The following DVL3 variants were observed in gnomAD, a reference collection of about 807,000 sequenced individuals.
The protein encoded by DVL3 is segment polarity protein dishevelled homolog DVL-3.
DVL3 carries 27 observed loss-of-function variants against 67.4 expected under a neutral mutation model. The ratio of observed to expected loss-of-function variants is 0.40; its 90% CI spans 0.30 to 0.55. The LOEUF (loss-of-function observed/expected upper bound fraction) is 0.55. Ranked by LOEUF, DVL3 falls within the 20% of genes least tolerant of loss-of-function variation. The probability of loss-of-function intolerance (pLI) is 0.46; values close to 1 mark genes in which losing one functional copy is unlikely to be tolerated. For missense variants in DVL3, 819 were observed against 1,021.5 expected (o/e 0.80, Z 2.70); for synonymous variants, 369 against 396.8 (o/e 0.93, Z 0.83).
At position 184,155,639 on chromosome 3, in the gene DVL3, G is replaced by A. The variant is rs762684023; in HGVS notation, c.4G>A (p.Gly2Ser). The change falls in exon 1 of 15, where the codon GGC becomes AGC. Residue 2 changes from glycine (G) to serine (S), a missense_variant. Physicochemically the swap from Gly to Ser is moderately conservative, Grantham distance 56. Around this residue, in one of 3 missense-constraint regions of DVL3, gnomAD observed 385 missense variants for 486.8 expected, o/e 0.79. Transcript: ENST00000313143. The surrounding 1 kb of genome is among the most constrained non-coding windows in gnomAD (Gnocchi z 5.4). ...CGCCGGGCCCGAGGCCAGAGCCATG[G>A]GCGAGACCAAGATCATCTACCACTT... is the stretch of plus-strand genomic sequence containing the variant. M[G>S]ETKIIYHLDG... 4 of 1,576,766 alleles carry A rather than the reference G, an allele frequency of 2.5e-6. No individual in the cohort carries two copies. Among genetic ancestry groups the A allele is most frequent in the Non-Finnish European group, 3.4e-6 (4 of 1,164,116 alleles).
rs1284565082 is a variant in DVL3 at position 184,165,868 on chromosome 3, G to T, written c.764-258G>T. 6.6e-6 allele frequency among the ~76,000 whole-genome samples: 1 copy of T among 152,174 alleles called. No homozygotes were observed. The highest frequency in any genetic ancestry group is 2.4e-5 in the African/African-American group (1 of 41,438). On this transcript the variant is annotated intron_variant, in intron 7 of 14. Transcript: ENST00000313143. The surrounding 1 kb of genome is among the most constrained non-coding windows in gnomAD (Gnocchi z 4.1). ...GATTTAAATCTGAGTTTGATTCCTG[G>T]CTCTGCCACTTACTGGCTTAGAAAA...
In DVL3 at chr3:184,166,185, G is replaced by A. The variant is rs1284297188; in HGVS notation, c.823G>A (p.Gly275Ser). The change falls in exon 8 of 15, where the codon GGC becomes AGC. Residue 275 changes from glycine to serine, a missense_variant. By Grantham distance (56) the Gly-to-Ser change is moderately conservative. This residue lies in a region of DVL3 where 385 missense variants were observed against 486.8 expected (regional missense o/e 0.79). Transcript: ENST00000313143. The surrounding 1 kb of genome is among the most constrained non-coding windows in gnomAD (Gnocchi z 6.7). ...CCAAAGCAACGAGCGTGGTGACGGC[G>A]GCATCTACATTGGCTCTATCATGAA... Reference protein sequence around the residue: ...VGQSNERGDGGIYIGSIMKGG... With the variant: ...VGQSNERGDGSIYIGSIMKGG... The A allele has an allele frequency of 6.2e-6, 10 of 1,613,726 alleles. No individual in the cohort carries two copies. The highest frequency in any genetic ancestry group is 2.2e-5 in the South Asian group (2 of 91,042).
In DVL3 at chr3:184,169,736, A is replaced by C. The variant is rs142759159; in HGVS notation, c.1499-270A>C. On this transcript the variant is annotated intron_variant, in intron 13 of 14. Coordinates refer to ENST00000313143, the MANE Select transcript of DVL3 (RefSeq NM_004423.4). ...CACTGAGGCCAGCAGAGAAAGTGCA[A>C]AAGCTTGGCCAGGGCCTTCAAGGGA... 3.4e-3 allele frequency among the ~76,000 whole-genome samples: 514 copies of C among 152,290 alleles called. 2 individuals carry two copies. Among genetic ancestry groups the C allele is most frequent in the Middle Eastern group, 0.01 (3 of 294 alleles).
intron 1 of DVL3, among the ~76,000 whole-genome samples, chr3:184,159,870 G>A (rs1431300255): frequency 6.6e-6 from 1 of 152,054 alleles, no homozygotes; most frequent in African/African-American, 2.4e-5. Flanking sequence ...CTCAGGACCT[G>A]AAACCCACTG....
Position 184,162,002 on chromosome 3 carries a change from A to G in DVL3, c.162-1655A>G, listed in dbSNP as rs553252275. ...TGGTAAGAATGCAGATGTTAGAGTC[A>G]GGCTAACCAGGATTCAAATTTCAGC... On this transcript the variant is annotated intron_variant, in intron 1 of 14. Transcript: ENST00000313143. Among the ~76,000 whole-genome samples the G allele has an allele frequency of 5.9e-5, 9 of 152,328 alleles. No individual in the cohort carries two copies. The South Asian group carries it at 1.9e-3, about 32-fold the overall frequency.
chr3:184,163,245 T>G lies in DVL3; in HGVS notation c.162-412T>G, dbSNP rs1422544602. On this transcript the variant is annotated intron_variant, in intron 1 of 14. Coordinates refer to ENST00000313143, the MANE Select transcript of DVL3 (RefSeq NM_004423.4). This position sits in a 1 kb window ranked among gnomAD's most constrained non-coding sequence, Gnocchi z 4.5. Reference sequence around the variant, plus strand: ...TTGTCCATACCTCCCACAACAATGTTAGGATTCCCACTTAAGAAAGGAAGG... The same window carrying G: ...TTGTCCATACCTCCCACAACAATGTGAGGATTCCCACTTAAGAAAGGAAGG... Among the ~76,000 whole-genome samples, 1 of 152,192 alleles carries G rather than the reference T, an allele frequency of 6.6e-6. No individual in the cohort carries two copies. The highest frequency in any genetic ancestry group is 1.5e-5 in the Non-Finnish European group (1 of 68,022).
At position 184,165,390 on chromosome 3, in the gene DVL3, C is replaced by T; in HGVS notation, c.694-32C>T. 2 of 1,610,782 alleles carry T rather than the reference C, an allele frequency of 1.2e-6. No individual in the cohort carries two copies. The highest frequency in any genetic ancestry group is 1.7e-6 in the Non-Finnish European group (2 of 1,177,276). On this transcript the variant is annotated intron_variant, in intron 6 of 14. Coordinates refer to ENST00000313143, the MANE Select transcript of DVL3 (RefSeq NM_004423.4). The surrounding 1 kb of genome is among the most constrained non-coding windows in gnomAD (Gnocchi z 4.1). The stretch of plus-strand genomic sequence containing the variant: ...GGTGGGAGTGAATTCCTGCCACCTC[C>T]ACCTGCTGCTCAGGGCCTCTGTCTA...
At position 184,164,110 on chromosome 3, in the gene DVL3, C is replaced by T. The variant is rs1714475451; in HGVS notation, c.232-157C>T. Among the ~76,000 whole-genome samples the T allele has an allele frequency of 6.6e-6, 1 of 152,158 alleles. No homozygotes were observed. The highest frequency in any genetic ancestry group is 1.5e-5 in the Non-Finnish European group (1 of 68,038). On this transcript the variant is annotated intron_variant, in intron 2 of 14. Transcript: ENST00000313143. This position sits in a 1 kb window ranked among gnomAD's most constrained non-coding sequence, Gnocchi z 5.3. ...CAATAGCAGGAAGTGGCAGAGGGGC[C>T]ACTGTTCATCTCAGCCACCCTCGCA...
At position 184,163,578 on chromosome 3, in the gene DVL3, G is replaced by T. The variant is rs1714458251; in HGVS notation, c.162-79G>T. ...GTTTGATTCCCAGTTTAGGATGGAGGAGCCCCTGAGAGTTGGGATTTGAGG... is the reference window on the plus strand; with the variant it reads ...GTTTGATTCCCAGTTTAGGATGGAGTAGCCCCTGAGAGTTGGGATTTGAGG... On this transcript the variant is annotated intron_variant, in intron 1 of 14. Transcript: ENST00000313143. This position sits in a 1 kb window ranked among gnomAD's most constrained non-coding sequence, Gnocchi z 4.5. 2 of 1,225,262 alleles carry T rather than the reference G, an allele frequency of 1.6e-6. No homozygotes were observed. The highest frequency in any genetic ancestry group is 3.4e-5 in the Admixed American group (2 of 59,526). 75.9% of individuals were successfully genotyped at this position (1,225,262 alleles called of 1,614,324 possible). A position where few individuals can be genotyped will look rare whatever the true frequency, so the allele number is the denominator to read the frequency against.
intron 1 of DVL3, among the ~76,000 whole-genome samples, chr3:184,158,297 T>C (rs1231691352): frequency 6.6e-6 from 1 of 150,402 alleles, no homozygotes; most frequent in African/African-American, 2.5e-5. Context: ...GGTGCCACTG[T>C]ACTCCAGCCT....
In DVL3 at chr3:184,170,172, G is replaced by C. The variant is rs1463278721; in HGVS notation, c.1665G>C (p.Glu555Asp). The change falls in exon 14 of 15, where the codon GAG (glutamate) becomes GAC (aspartate). Residue 555 changes from glutamate (E) to aspartate (D), a missense_variant. By Grantham distance (45) the Glu-to-Asp change is conservative. This residue lies in a region of DVL3 where 324 missense variants were observed against 331.3 expected (regional missense o/e 0.98). Coordinates refer to ENST00000313143, the MANE Select transcript of DVL3 (RefSeq NM_004423.4). This position sits in a 1 kb window ranked among gnomAD's most constrained non-coding sequence, Gnocchi z 6.5. Reference sequence around the variant, plus strand: ...ACAACCCGCACCCGGGCTTCCCGGAGCTGGGCTACAGCTACGGCGGGGGCA... The same window carrying C: ...ACAACCCGCACCCGGGCTTCCCGGACCTGGGCTACAGCTACGGCGGGGGCA... ...HPYNPHPGFP[E>D]LGYSYGGGSA... is the part of the protein sequence containing the mutation. 1.2e-6 allele frequency: 2 copies of C among 1,613,516 alleles called. No homozygotes were observed. The highest frequency in any genetic ancestry group is 2.2e-5 in the South Asian group (2 of 91,084).
In DVL3 at chr3:184,164,788, C is replaced by G; in HGVS notation, c.464-8C>G. 6.2e-7 allele frequency: 1 copy of G among 1,614,158 alleles called. No individual in the cohort carries two copies. The highest frequency in any genetic ancestry group is 1.7e-5 in the Admixed American group (1 of 60,022). On this transcript the variant is annotated splice_polypyrimidine_tract_variant and splice_region_variant and intron_variant, in intron 4 of 14. Coordinates refer to ENST00000313143, the MANE Select transcript of DVL3 (RefSeq NM_004423.4). The surrounding 1 kb of genome is among the most constrained non-coding windows in gnomAD (Gnocchi z 5.3). ...CTGTGTAAACCCAACTGCTTCCATC[C>G]CCTGCAGCAACCCGGCTAAATGGAA...
rs771720662 is a variant in DVL3, at chr3:184,171,132, C to T, written c.*377C>T. 48 of 1,183,348 alleles carry T rather than the reference C, an allele frequency of 4.1e-5. No individual in the cohort carries two copies. The highest frequency in any genetic ancestry group is 4.8e-5 in the Non-Finnish European group (45 of 945,618). The allele number at this position is 1,183,348 out of a possible 1,614,324, so 73.3% of individuals were successfully genotyped here. ...GCTCACTCCCTCATTCTCTCGTTTC[C>T]CCTTTAGCTCCCTTTCACCATTTAT... On this transcript the variant is annotated 3_prime_UTR_variant, in exon 15 of 15. Transcript: ENST00000313143.
chr3:184,170,354 G>A lies in DVL3; in HGVS notation c.1750G>A (p.Asp584Asn), dbSNP rs891634732. The change falls in exon 15 of 15, where the codon GAT becomes AAT. Residue 584 changes from aspartate to asparagine, a missense_variant. Asp to Asn is a conservative substitution (Grantham distance 23, BLOSUM62 1). Around this residue, in one of 3 missense-constraint regions of DVL3, gnomAD observed 324 missense variants for 331.3 expected, o/e 0.98. Transcript: ENST00000313143. The surrounding 1 kb of genome is among the most constrained non-coding windows in gnomAD (Gnocchi z 6.5). Reference protein sequence around the residue: ...RSSGSNRSGSDRRKEKDPKAG... With the variant: ...RSSGSNRSGSNRRKEKDPKAG... Reference sequence around the variant, plus strand: ...CAGTGGCTCCAACCGTAGCGGCAGCGATCGGAGGAAGGAGAAGGACCCGAA... The same window carrying A: ...CAGTGGCTCCAACCGTAGCGGCAGCAATCGGAGGAAGGAGAAGGACCCGAA... The A allele has an allele frequency of 3.7e-6, 6 of 1,605,480 alleles. No individual in the cohort carries two copies. The South Asian group carries it at 4.4e-5, about 12-fold the overall frequency.
At position 184,165,008 on chromosome 3, in the gene DVL3, T is replaced by G. The variant is rs754504377; in HGVS notation, c.599+77T>G. 4.8e-5 allele frequency: 78 copies of G among 1,609,088 alleles called. No individual in the cohort carries two copies. The highest frequency in any genetic ancestry group is 6.5e-5 in the Non-Finnish European group (77 of 1,177,156). ...CTAAACCCTGAGGATGCGGGGCCCC[T>G]GGGAGGCTTATGGGCTTTGTGTTGG... On this transcript the variant is annotated intron_variant, in intron 5 of 14. Coordinates refer to ENST00000313143, the MANE Select transcript of DVL3 (RefSeq NM_004423.4). The surrounding 1 kb of genome is among the most constrained non-coding windows in gnomAD (Gnocchi z 4.1).
chr3:184,164,183 G>A lies in DVL3; in HGVS notation c.232-84G>A. On this transcript the variant is annotated intron_variant, in intron 2 of 14. Transcript: ENST00000313143. This position sits in a 1 kb window ranked among gnomAD's most constrained non-coding sequence, Gnocchi z 5.3. ...ATATTTCCTGCTTCCTTCCTCTTAGGCCTTCATGCCTTGCTGGAAGTGAAC... is the reference window on the plus strand; with the variant it reads ...ATATTTCCTGCTTCCTTCCTCTTAGACCTTCATGCCTTGCTGGAAGTGAAC... 6.7e-7 allele frequency: 1 copy of A among 1,491,520 alleles called. No individual in the cohort carries two copies. The highest frequency in any genetic ancestry group is 9.2e-7 in the Non-Finnish European group (1 of 1,089,368). The allele number at this position is 1,491,520 out of a possible 1,614,324, so 92.4% of individuals were successfully genotyped here. A position where few individuals can be genotyped will look rare whatever the true frequency, so the allele number is the denominator to read the frequency against.
chr3:184,157,978 T>G (rs1415734243), intron 1 of DVL3, among the ~76,000 whole-genome samples: 1 of 152,230 alleles, frequency 6.6e-6, no homozygotes, highest in Admixed American at 6.5e-5. Context: ...TTTTCAAATC[T>G]TCACTCATTT....
chr3:184,170,525 G>T lies in DVL3; in HGVS notation c.1921G>T (p.Ala641Ser). The T allele has an allele frequency of 1.2e-6, 2 of 1,609,854 alleles. No individual in the cohort carries two copies. Among genetic ancestry groups the T allele is most frequent in the Non-Finnish European group, 1.7e-6 (2 of 1,178,076 alleles). ...CAGCCACCGCAGCCACCATTCCCTGGCCAGCAGCCTTCGCAGCCACCACAC... is the reference window on the plus strand; with the variant it reads ...CAGCCACCGCAGCCACCATTCCCTGTCCAGCAGCCTTCGCAGCCACCACAC... Reference protein sequence around the residue: ...EHSHRSHHSLASSLRSHHTHP... With the variant: ...EHSHRSHHSLSSSLRSHHTHP... Residue 641 changes from alanine (A) to serine (S), a missense_variant, in exon 15 of 15, where the codon GCC (alanine) becomes TCC (serine). By Grantham distance (99) the Ala-to-Ser change is moderately conservative. This residue lies in a region of DVL3 where 324 missense variants were observed against 331.3 expected (regional missense o/e 0.98). Transcript: ENST00000313143. This position sits in a 1 kb window ranked among gnomAD's most constrained non-coding sequence, Gnocchi z 6.5.
In DVL3 at chr3:184,166,778, C is replaced by T. The variant is rs1450578527; in HGVS notation, c.1049-48C>T. 1.9e-6 allele frequency: 3 copies of T among 1,613,472 alleles called. No homozygotes were observed. Among genetic ancestry groups the T allele is most frequent in the Middle Eastern group, 3.3e-4 (2 of 6,076 alleles). On this transcript the variant is annotated intron_variant, in intron 10 of 14. Coordinates refer to ENST00000313143, the MANE Select transcript of DVL3 (RefSeq NM_004423.4). This position sits in a 1 kb window ranked among gnomAD's most constrained non-coding sequence, Gnocchi z 6.7. ...ACCCCCATATCTATCCTGTTGGGCC[C>T]AGCAGTGGGTGGGGTGGGTAGCCCA...
Sources: gnomAD v4.1 joint callset for allele counts (sites outside exome capture counted in the v4.1 genomes callset) on GRCh38, gnomAD v4.1.1 for gene constraint, gnomAD v4.1.1 regional missense constraint, Gnocchi (gnomAD v3.1) non-coding constraint, MANE v1.5 for transcripts, NCBI Gene and HGNC (gene_info 2026-07-23, HGNC 2026-07-21) for gene names.